The following CDK6 variants were observed in gnomAD, a reference collection of about 807,000 sequenced individuals.
CDK6 encodes cyclin dependent kinase 6, also known as cyclin-dependent kinase 6.
Under a neutral mutation model 37.1 loss-of-function variants are expected in CDK6, and 6 were observed. The observed-to-expected ratio is 0.16, with a 90% CI of 0.09 to 0.32. The LOEUF is 0.32. CDK6 is among the 10% of genes least tolerant of loss of function. CDK6 has a pLI of 1.00. For synonymous variants in CDK6, 160 were observed against 161.3 expected, an observed-to-expected ratio of 0.99 and a Z score of 0.06; for missense variants, 224 against 418.9, an observed-to-expected ratio of 0.53 and a Z score of 4.06.
At chr7:92,684,928 G>A (rs939350457) in intron 4 of CDK6, among the ~76,000 whole-genome samples, 1 of 151,708 alleles carries the variant, frequency 6.6e-6, no homozygotes, top group Non-Finnish European at 1.5e-5. Context: ...TGGACTCGAC[G>A]ACATTATCTA....
intron 2 of CDK6, among the ~76,000 whole-genome samples, chr7:92,806,723 C>G (rs1350081592): frequency 6.6e-6 from 1 of 152,162 alleles, no homozygotes; most frequent in African/African-American, 2.4e-5. Flanking sequence ...AGACCGACTT[C>G]TCTTGTTAGC....
chr7:92,774,575 T>C (rs1799799588), intron 3 of CDK6, 121 bp downstream of exon 3: 1 of 831,528 alleles, frequency 1.2e-6, no homozygotes, highest in East Asian at 2.8e-5. Context: ...TTTGATTTTT[T>C]TAACTATATA....
chr7:92,650,400 T>C (rs1000245508), intron 5 of CDK6, among the ~76,000 whole-genome samples: 8 of 152,198 alleles, frequency 5.3e-5, no homozygotes, highest in African/African-American at 1.9e-4. Context: ...ATGTTTATTG[T>C]TTATTCCACG....
At chr7:92,632,133 A>G (rs1796066882) in intron 5 of CDK6, among the ~76,000 whole-genome samples, 1 of 152,030 alleles carries the variant, frequency 6.6e-6, no homozygotes, top group Admixed American at 6.6e-5. Context: ...TGAGTATATA[A>G]TTATCATCAC....
chr7:92,711,604 C>T (rs1585419440), intron 4 of CDK6, among the ~76,000 whole-genome samples: 1 of 119,840 alleles, frequency 8.3e-6, no homozygotes, highest in Non-Finnish European at 1.6e-5. Context: ...GTCTATCTGT[C>T]ACCCAGGCTG....
intron 5 of CDK6, among the ~76,000 whole-genome samples, chr7:92,634,785 T>C (rs1796131242): frequency 6.6e-6 from 1 of 152,202 alleles, no homozygotes; most frequent in African/African-American, 2.4e-5. Flanking sequence ...TTGATTTTTA[T>C]ACTGGGAATG....
chr7:92,812,056 T>C (rs558600727), intron 2 of CDK6, among the ~76,000 whole-genome samples: 25 of 152,120 alleles, frequency 1.6e-4, no homozygotes, highest in Admixed American at 3.3e-4. Flanking sequence ...GGAGAATCGC[T>C]TGAACTTGGG....
At chr7:92,647,379 GA>G (rs1194725330) in intron 5 of CDK6, among the ~76,000 whole-genome samples, 1 of 152,192 alleles carries the variant, frequency 6.6e-6, no homozygotes, top group Non-Finnish European at 1.5e-5. Flanking sequence ...TTTCTTTAAG[GA>G]AATAACATTT....
chr7:92,613,375 G>C lies in CDK6; in HGVS notation c.*1765C>G, dbSNP rs1441487363. 4.3e-6 allele frequency: 1 copy of C among 233,518 alleles called. No homozygotes were observed. The highest frequency in any genetic ancestry group is 5.6e-5 in the Admixed American group (1 of 17,778). 14.5% of individuals were successfully genotyped at this position (233,518 alleles called of 1,614,324 possible). On this transcript the variant is annotated 3_prime_UTR_variant, in exon 8 of 8. Transcript: ENST00000424848. ...CCTAAACATAATCTAACTGTTGCAT[G>C]ATCTAACTGTTGCATGCACTCTGAG... is the stretch of plus-strand genomic sequence containing the variant.
chr7:92,643,658 T>C (rs1181199661), intron 5 of CDK6, among the ~76,000 whole-genome samples: 1 of 152,208 alleles, frequency 6.6e-6, no homozygotes, highest in African/African-American at 2.4e-5. Context: ...GCTAGAATTT[T>C]TGAGTACTCT....
chr7:92,713,954 C>T (rs1376950417), intron 4 of CDK6, among the ~76,000 whole-genome samples: 1 of 152,206 alleles, frequency 6.6e-6, no homozygotes, highest in Non-Finnish European at 1.5e-5. Flanking sequence ...CAGTCCTCCT[C>T]TACCTCCTCT....
chr7:92,738,363 A>G (rs1798835840), intron 3 of CDK6, among the ~76,000 whole-genome samples: 1 of 152,168 alleles, frequency 6.6e-6, no homozygotes, highest in South Asian at 2.1e-4. Context: ...ATCACAGGCC[A>G]GCACAGTGGC....
intron 5 of CDK6, among the ~76,000 whole-genome samples, chr7:92,668,856 G>A (rs754302688): frequency 1.3e-5 from 2 of 152,168 alleles, no homozygotes; most frequent in Non-Finnish European, 2.9e-5. Flanking sequence ...GGTATGATTG[G>A]CCTTGATTCA....
Position 92,833,162 on chromosome 7 carries a change from C to G in CDK6, c.162G>C (p.Met54Ile). ...RVRVQTGEEG[M>I]PLSTIREVAV... ...CCACCTCGCGGATGGTGGAGAGCGG[C>G]ATGCCCTCCTCGCCGGTCTGCACCC... The change falls in exon 2 of 8, where the codon ATG becomes ATC. Residue 54 changes from methionine (M) to isoleucine (I), a missense_variant. This residue lies in a region of CDK6 where 21 missense variants were observed against 18.4 expected (regional missense o/e 1.14). Transcript: ENST00000424848. The surrounding 1 kb of genome is among the most constrained non-coding windows in gnomAD (Gnocchi z 6.1). The G allele has an allele frequency of 6.2e-7, 1 of 1,609,344 alleles. No individual in the cohort carries two copies. Among genetic ancestry groups the G allele is most frequent in the Non-Finnish European group, 8.5e-7 (1 of 1,178,532 alleles).
chr7:92,717,981 G>A (rs987067121), intron 4 of CDK6, among the ~76,000 whole-genome samples: 19 of 152,134 alleles, frequency 1.2e-4, no homozygotes, highest in Admixed American at 1.3e-4. Flanking sequence ...CACTGAGAAC[G>A]CGCAGTGGAG....
Position 92,639,760 on chromosome 7 carries a change from T to C in CDK6, c.648-16674A>G, listed in dbSNP as rs1042563840. On this transcript the variant is annotated intron_variant, in intron 5 of 7. Coordinates refer to ENST00000424848, the MANE Select transcript of CDK6 (RefSeq NM_001145306.2). ...TCCTCCTGCTGGAAGCCTGGCACCATTGGAAGCTGGAATAAAAACCACAAC... is the reference window on the plus strand; with the variant it reads ...TCCTCCTGCTGGAAGCCTGGCACCACTGGAAGCTGGAATAAAAACCACAAC... 1.1e-4 allele frequency among the ~76,000 whole-genome samples: 16 copies of C among 152,300 alleles called. No individual in the cohort carries two copies. In the South Asian group the frequency reaches 2.3e-3, roughly 22 times the overall value.
intron 5 of CDK6, among the ~76,000 whole-genome samples, chr7:92,669,828 C>G (rs1797035789): frequency 6.6e-6 from 1 of 152,198 alleles, no homozygotes; most frequent in African/African-American, 2.4e-5. Context: ...CCCAGGGGTT[C>G]TTATCCTGGA....
intron 2 of CDK6, among the ~76,000 whole-genome samples, chr7:92,797,455 A>G (rs763363490): frequency 2.6e-5 from 4 of 152,118 alleles, no homozygotes; most frequent in Non-Finnish European, 4.4e-5. Context: ...TGGACTCCCA[A>G]ACCCTCTATA....
intron 5 of CDK6, among the ~76,000 whole-genome samples, chr7:92,664,916 G>C (rs1013624755): frequency 2.6e-5 from 4 of 151,720 alleles, no homozygotes; most frequent in African/African-American, 9.7e-5. Context: ...CTCCCGAGTA[G>C]GTGGGACTAC....
Sources: allele counts gnomAD v4.1 joint callset (sites outside exome capture counted in the v4.1 genomes callset), GRCh38; gene constraint gnomAD v4.1.1; regional missense constraint gnomAD v4.1.1; non-coding constraint Gnocchi (gnomAD v3.1); transcripts MANE v1.5; gene names NCBI Gene and HGNC (gene_info 2026-07-23, HGNC 2026-07-21).